EYS: variants seen among roughly 807,000 people sequenced by gnomAD.
The protein encoded by EYS is protein eyes shut homolog.
EYS carries 250 observed loss-of-function variants against 282.1 expected under a neutral mutation model. That is an observed-to-expected ratio of 0.89 (90% CI 0.80 to 0.98). The LOEUF is 0.98. Among genes scored for constraint, EYS ranks in the 50% least tolerant of loss-of-function variants. The probability of loss-of-function intolerance (pLI) is 0.00; values close to 1 mark genes in which losing one functional copy is unlikely to be tolerated. For synonymous variants in EYS, 1,355 were observed against 1,282.9 expected (o/e 1.06, Z -1.20); for missense variants, 4,016 against 3,709.0 (o/e 1.08, Z -2.15).
chr6:63,884,309 A>T (rs1257770533), intron 35 of EYS, among the ~76,000 whole-genome samples: 1 of 61,432 alleles, frequency 1.6e-5, no homozygotes, highest in African/African-American at 7.7e-5. Context: ...AAAAAGAATA[A>T]AAAAAAAAAT....
At chr6:64,362,565 T>C (rs1772053247) in intron 29 of EYS, among the ~76,000 whole-genome samples, 1 of 151,810 alleles carries the variant, frequency 6.6e-6, no homozygotes, top group Admixed American at 6.6e-5. Context: ...TCTTGTGATA[T>C]TATCTCAAGA....
At chr6:63,858,113 G>A (rs113340491) in intron 36 of EYS, among the ~76,000 whole-genome samples, 46 of 152,236 alleles carry the variant, frequency 3.0e-4, no homozygotes, top group Middle Eastern at 6.8e-3. Context: ...TTAGCAAAAC[G>A]AGAAGATTTC....
At chr6:65,262,209 T>G (rs1429462681) in intron 12 of EYS, among the ~76,000 whole-genome samples, 1 of 152,142 alleles carries the variant, frequency 6.6e-6, no homozygotes, top group East Asian at 1.9e-4. Flanking sequence ...TAGCCAGTGA[T>G]ATTTGTGTTA....
chr6:63,845,335 C>T (rs1465210261), intron 36 of EYS, among the ~76,000 whole-genome samples: 1 of 151,892 alleles, frequency 6.6e-6, no homozygotes, highest in Admixed American at 6.6e-5. Context: ...CATTACACAA[C>T]ACTAACAGTT....
At chr6:65,533,033 T>G (rs550222098) in intron 2 of EYS, among the ~76,000 whole-genome samples, 164 of 152,172 alleles carry the variant, frequency 1.1e-3, no homozygotes, top group African/African-American at 3.9e-3. Flanking sequence ...AATTTTGTTT[T>G]TAATTAAAAA....
chr6:64,435,792 GT>G (rs1774722013), intron 28 of EYS, among the ~76,000 whole-genome samples: 1 of 151,788 alleles, frequency 6.6e-6, no homozygotes. Flanking sequence ...AATCTGGATT[GT>G]GGTGGGCCAT....
At chr6:64,798,121 CAGAG>C (rs1379812063) in intron 22 of EYS, among the ~76,000 whole-genome samples, 3 of 151,652 alleles carry the variant, frequency 2.0e-5, no homozygotes, top group African/African-American at 4.8e-5. Flanking sequence ...CTAAAGGAAT[CAGAG>C]AGAAATTTTG....
At position 64,628,023 on chromosome 6, in the gene EYS, T is replaced by C. The variant is rs982581291; in HGVS notation, c.3444-1778A>G. On this transcript the variant is annotated intron_variant, in intron 22 of 42. Coordinates refer to ENST00000503581, the MANE Select transcript of EYS (RefSeq NM_001142800.2). ...TGAACCAGGGAGGCGGAGCTTGCAG[T>C]GAGCCCAGATCACGCCACTGCACTC... Among the ~76,000 whole-genome samples the C allele has an allele frequency of 7.9e-5, 12 of 152,304 alleles. No homozygotes were observed. The East Asian group carries it at 2.3e-3, about 29-fold the overall frequency.
rs4076417 is a variant in EYS, at chr6:64,147,152, G to A, written c.6425-65150C>T. Among the ~76,000 whole-genome samples the A allele has an allele frequency of 4.6e-3, 698 of 152,268 alleles. 5 individuals are homozygous for A. Among genetic ancestry groups the A allele is most frequent in the African/African-American group, 0.016 (667 of 41,548 alleles). On this transcript the variant is annotated intron_variant, in intron 31 of 42. Transcript: ENST00000503581. ...TGATGGGAGCAGATGAAGCTAACAG[G>A]ATGGTCAAGTACTTTGCTATTCTTT...
At chr6:63,921,346 A>G (rs187757163) in intron 35 of EYS, among the ~76,000 whole-genome samples, 136 of 152,316 alleles carry the variant, frequency 8.9e-4, no homozygotes, top group Middle Eastern at 3.4e-3. Context: ...GGCTCTGTCC[A>G]TGTTGTGCTG....
At chr6:65,478,670 T>A (rs570150626) in intron 5 of EYS, among the ~76,000 whole-genome samples, 1 of 152,282 alleles carries the variant, frequency 6.6e-6, no homozygotes, top group Admixed American at 6.5e-5. Flanking sequence ...TTATGCCTAA[T>A]TATACATAAT....
chr6:65,651,296 G>C, intron 1 of EYS, among the ~76,000 whole-genome samples: 1 of 152,000 alleles, frequency 6.6e-6, no homozygotes, highest in East Asian at 1.9e-4. Flanking sequence ...AAAAACAGAA[G>C]AATGGTCTAA....
chr6:64,447,704 T>C (rs564928006), intron 26 of EYS, among the ~76,000 whole-genome samples: 2 of 152,172 alleles, frequency 1.3e-5, no homozygotes, highest in African/African-American at 4.8e-5. Context: ...TTGCAGAGAC[T>C]CCTCAATGTG....
chr6:65,092,050 G>C (rs1222342358), intron 12 of EYS, among the ~76,000 whole-genome samples: 1 of 152,022 alleles, frequency 6.6e-6, no homozygotes, highest in East Asian at 1.9e-4. Flanking sequence ...ATTTATTATA[G>C]CTTTTAATTT....
chr6:64,275,900 G>T (rs566494299), intron 30 of EYS, among the ~76,000 whole-genome samples: 124 of 151,982 alleles, frequency 8.2e-4, no homozygotes, highest in African/African-American at 2.9e-3. Context: ...AGGGGGCAGA[G>T]GTAGCAGTGA....
chr6:64,245,466 C>T (rs897462304), intron 30 of EYS, among the ~76,000 whole-genome samples: 6 of 149,624 alleles, frequency 4.0e-5, no homozygotes, highest in African/African-American at 1.5e-4. Flanking sequence ...AGTTGTGAGC[C>T]ACTGCACCTG....
At position 65,645,711 on chromosome 6, in the gene EYS, A is replaced by T. The variant is rs570106223; in HGVS notation, c.-447-5819T>A. Among the ~76,000 whole-genome samples, 513 of 152,166 alleles carry T rather than the reference A, an allele frequency of 3.4e-3. 2 individuals carry two copies. The highest frequency in any genetic ancestry group is 0.011 in the African/African-American group (473 of 41,520). ...AGAACTAAATGAAACTGAAACAAAA[A>T]AACTACAAAAGATAATGAAACAAAA... On this transcript the variant is annotated intron_variant, in intron 1 of 42. Coordinates refer to ENST00000503581, the MANE Select transcript of EYS (RefSeq NM_001142800.2).
At chr6:65,654,683 C>G (rs1405977084) in intron 1 of EYS, among the ~76,000 whole-genome samples, 1 of 151,626 alleles carries the variant, frequency 6.6e-6, no homozygotes, top group Non-Finnish European at 1.5e-5. Flanking sequence ...CACTTCTGTT[C>G]TCACAAGTAT....
chr6:64,008,296 C>A (rs558374909), intron 33 of EYS, among the ~76,000 whole-genome samples: 1 of 151,906 alleles, frequency 6.6e-6, no homozygotes, highest in African/African-American at 2.4e-5. Context: ...GAATAGCTAC[C>A]CCTGCTGTTT....
Sources: allele counts gnomAD v4.1 joint callset (sites outside exome capture counted in the v4.1 genomes callset), GRCh38; gene constraint gnomAD v4.1.1; transcripts MANE v1.5; gene names NCBI Gene and HGNC (gene_info 2026-07-23, HGNC 2026-07-21).